The following UPRT variants were observed in gnomAD, a reference collection of about 807,000 sequenced individuals.
UPRT encodes the protein RP11-311P8.3.
UPRT carries 5 observed loss-of-function variants against 22.6 expected under a neutral mutation model. That is an observed-to-expected ratio of 0.22 (90% CI 0.12 to 0.47). The LOEUF (loss-of-function observed/expected upper bound fraction) is 0.47, where lower values mean the gene tolerates loss of function less well. Among genes scored for constraint, UPRT ranks in the 20% least tolerant of loss-of-function variants. UPRT has a pLI of 0.99. For synonymous variants in UPRT, 77 were observed against 87.7 expected (o/e 0.88, Z 0.68); for missense variants, 181 against 239.9 (o/e 0.75, Z 1.62).
chrX:75,248,818 G>C (rs1391501732), intron 4 of UPRT, among the ~76,000 whole-genome samples: 3 of 111,869 alleles, frequency 2.7e-5, no homozygotes, highest in African/African-American at 9.8e-5. Context: ...AGAAAGGTCG[G>C]GTTATCCACA....
intron 4 of UPRT, among the ~76,000 whole-genome samples, chrX:75,247,036 T>C (rs1299636999): frequency 8.9e-6 from 1 of 112,105 alleles, no homozygotes; most frequent in Non-Finnish European, 1.9e-5. Flanking sequence ...TCTCTAATTT[T>C]CAAGTTATCC....
intron 4 of UPRT, among the ~76,000 whole-genome samples, chrX:75,248,619 A>T (rs1458658562): frequency 8.9e-6 from 1 of 112,092 alleles, no homozygotes. Context: ...AATGGAACCA[A>T]GTTGGAAAAC....
intron 4 of UPRT, among the ~76,000 whole-genome samples, chrX:75,224,932 TTCTC>T (rs1375690213): frequency 9.0e-6 from 1 of 111,611 alleles, no homozygotes; most frequent in Non-Finnish European, 1.9e-5. Flanking sequence ...GCCTGCTTCT[TTCTC>T]TCACTCTCCC....
intron 4 of UPRT, among the ~76,000 whole-genome samples, chrX:75,215,948 G>A (rs2082391700): frequency 9.0e-6 from 1 of 111,653 alleles, no homozygotes; most frequent in Admixed American, 9.5e-5. Context: ...AAACATTTAA[G>A]GAAGAAATAA....
At chrX:75,180,681 GTTTTTTTTTTTTTGTTTTTTTTT>G (rs1397101876) in intron 4 of UPRT, among the ~76,000 whole-genome samples, 3 of 43,905 alleles carry the variant, frequency 6.8e-5, no homozygotes, top group African/African-American at 2.8e-4. Context: ...CCTTTTCTCT[GTTTTTTTTTTTTTGTTTTTTTTT>G]TTTTTTTTTT....
intron 4 of UPRT, among the ~76,000 whole-genome samples, chrX:75,258,989 T>C (rs994580107): frequency 3.6e-5 from 4 of 111,115 alleles, no homozygotes; most frequent in African/African-American, 1.3e-4. Flanking sequence ...GGGTCTGGAG[T>C]GGACCTCCAG....
At chrX:75,273,895 C>T (rs1038884266), upstream of UPRT, among the ~76,000 whole-genome samples, 16 of 111,542 alleles carry the variant, frequency 1.4e-4, no homozygotes, top group South Asian at 1.1e-3. Flanking sequence ...ATGCAGAAGC[C>T]CCAGGGGCCC....
rs2082622872 is a variant in UPRT at position 75,274,517 on chromosome X, A to G, written c.263A>G (p.Tyr88Cys). Residue 88 changes from tyrosine (Y) to cysteine (C), a missense_variant, in exon 1 of 7, where the codon TAT becomes TGT. Transcript: ENST00000373383. The stretch of plus-strand genomic sequence containing the variant: ...AGTGGTAGTGGTGACAGTAGCAGCT[A>G]TGACGCACCAGCTGGCAACTCCTTC... The part of the protein sequence containing the change: ...GNSGSGDSSS[Y>C]DAPAGNSFLE... 8.3e-7 allele frequency: 1 copy of G among 1,211,680 alleles called. No homozygotes were observed. The highest frequency in any genetic ancestry group is 1.1e-6 in the Non-Finnish European group (1 of 895,508).
Position 75,238,779 on chromosome X carries a change from G to T in UPRT, c.-446-52245G>T, listed in dbSNP as rs375491239. 7.2e-5 allele frequency among the ~76,000 whole-genome samples: 8 copies of T among 111,865 alleles called. No homozygotes were observed. In the East Asian group the frequency reaches 2.2e-3, roughly 31 times the overall value. ...ATATCAAGTACTCTTGCAGACCACA[G>T]TGGAATAAAATTAGAAATCAACTTC... On this transcript the variant is annotated intron_variant, in intron 4 of 13. Transcript: ENST00000652605.
intron 4 of UPRT, among the ~76,000 whole-genome samples, chrX:75,229,658 A>C (rs2082432432): frequency 8.9e-6 from 1 of 111,834 alleles, no homozygotes; most frequent in South Asian, 3.7e-4. Flanking sequence ...AAACAGATTT[A>C]GGGAGCTGAG....
At chrX:75,250,260 A>T (rs1431002623) in intron 4 of UPRT, among the ~76,000 whole-genome samples, 2 of 110,284 alleles carry the variant, frequency 1.8e-5, no homozygotes, top group East Asian at 5.7e-4. Flanking sequence ...CAAAAAATTA[A>T]TGAATTCAGG....
chrX:75,170,911 C>G (rs2082225678), intron 4 of UPRT, among the ~76,000 whole-genome samples: 1 of 111,665 alleles, frequency 9.0e-6, no homozygotes, highest in South Asian at 3.8e-4. Flanking sequence ...CCAATCCCTT[C>G]TAACTTGTAG....
intron 4 of UPRT, among the ~76,000 whole-genome samples, chrX:75,183,344 A>T (rs958346238): frequency 1.7e-4 from 19 of 111,622 alleles, no homozygotes; most frequent in Admixed American, 9.6e-4. Flanking sequence ...CCCACAAAGG[A>T]CATGAACTCA....
intron 4 of UPRT, among the ~76,000 whole-genome samples, chrX:75,218,354 G>C (rs1017347157): frequency 8.2e-5 from 9 of 109,683 alleles, no homozygotes; most frequent in Non-Finnish European, 1.3e-4. Context: ...TCTCACACCA[G>C]TTAGAGTGGC....
chrX:75,282,274 A>G lies in UPRT; in HGVS notation c.386+7634A>G, dbSNP rs1162308025. On this transcript the variant is annotated intron_variant, in intron 1 of 6. Coordinates refer to ENST00000373383, the MANE Select transcript of UPRT (RefSeq NM_145052.4). ...TTCAATTTCACTTAGTTCTGCTCTG[A>G]TCTTGGTTATTTCCTTTCTTCTGCT... 7.5e-5 allele frequency among the ~76,000 whole-genome samples: 8 copies of G among 107,011 alleles called. No individual in the cohort carries two copies. In the East Asian group the frequency reaches 2.4e-3, roughly 32 times the overall value. 92.9% of individuals were successfully genotyped at this position (107,011 alleles called of 115,157 possible). A position where few individuals can be genotyped will look rare whatever the true frequency, so the allele number is the denominator to read the frequency against.
chrX:75,204,915 C>A (rs145043504), intron 4 of UPRT, among the ~76,000 whole-genome samples: 250 of 110,485 alleles, frequency 2.3e-3, no homozygotes, highest in African/African-American at 8.0e-3. Context: ...CTTAGAGTAT[C>A]CCACGGACAA....
upstream of UPRT, among the ~76,000 whole-genome samples, chrX:75,270,776 G>T (rs2082605862): frequency 9.0e-6 from 1 of 111,288 alleles, no homozygotes; most frequent in African/African-American, 3.3e-5. Flanking sequence ...GCTAGGGGAG[G>T]GATAGCATTA....
chrX:75,257,681 T>C (rs2082553580), intron 4 of UPRT, among the ~76,000 whole-genome samples: 1 of 111,620 alleles, frequency 9.0e-6, no homozygotes, highest in Admixed American at 9.5e-5. Context: ...GGATACAAGA[T>C]TAATGTACAC....
intron 4 of UPRT, among the ~76,000 whole-genome samples, chrX:75,209,986 G>A (rs1035806471): frequency 8.9e-6 from 1 of 112,016 alleles, no homozygotes; most frequent in Non-Finnish European, 1.9e-5. Context: ...AATTTCTTTC[G>A]GATGTGTGGG....
Sources: gnomAD v4.1 joint callset for allele counts (sites outside exome capture counted in the v4.1 genomes callset) on GRCh38, gnomAD v4.1.1 for gene constraint, MANE v1.5 for transcripts, NCBI Gene and HGNC (gene_info 2026-07-23, HGNC 2026-07-21) for gene names.